PIGG: variants seen among roughly 807,000 people sequenced by gnomAD.
PIGG encodes phosphatidylinositol glycan anchor biosynthesis class G (EMM blood group).
In PIGG, 70 loss-of-function variants were observed where a neutral mutation model predicts 83.2. That is an observed-to-expected ratio of 0.84 (90% confidence interval 0.69 to 1.03). The LOEUF (loss-of-function observed/expected upper bound fraction) is 1.03, where lower values mean the gene tolerates loss of function less well. PIGG is among the 50% of genes least tolerant of loss of function. The pLI is 0.00. For synonymous variants in PIGG, 532 were observed against 519.5 expected (o/e 1.02, Z -0.33); for missense variants, 1,257 against 1,233.6 (o/e 1.02, Z -0.28).
intron 10 of PIGG, 85 bp downstream of exon 10, chr4:527,315 CTGTT>C (rs1278029433): frequency 9.0e-6 from 13 of 1,450,306 alleles, no homozygotes; most frequent in African/African-American, 8.6e-5. Context: ...AACCACTTCA[CTGTT>C]TGATGAACTG....
At chr4:534,024 T>G (rs1729751896) in intron 12 of PIGG, 43 bp downstream of exon 12, 1 of 1,589,128 alleles carries the variant, frequency 6.3e-7, no homozygotes, top group Non-Finnish European at 8.6e-7. Context: ...GGGGGCCGGC[T>G]GCCTGGTTTT....
chr4:539,322 T>C lies in PIGG; in HGVS notation c.2905T>C (p.Cys969Arg). The stretch of plus-strand genomic sequence containing the variant: ...GCACCTGCTCATTACAGCTGCTGTC[T>C]GTGTATTCTTCACGGCAATGGATCA... Reference protein sequence around the residue: ...GMHLLITAAVCVFFTAMDQTR... With the variant: ...GMHLLITAAVRVFFTAMDQTR... The change falls in exon 13 of 13, where the codon TGT (cysteine) becomes CGT (arginine). Residue 969 changes from cysteine to arginine, a missense_variant. By Grantham distance (180) the Cys-to-Arg change is radical. Transcript: ENST00000453061. 1.2e-6 allele frequency: 2 copies of C among 1,613,704 alleles called. 1 individual carries two copies. Among genetic ancestry groups the C allele is most frequent in the South Asian group, 2.2e-5 (2 of 91,034 alleles).
chr4:521,363 T>C (rs1725822925), intron 7 of PIGG, 90 bp downstream of exon 7: 2 of 815,876 alleles, frequency 2.5e-6, no homozygotes, highest in Non-Finnish European at 3.8e-6. Flanking sequence ...TATATAGGTG[T>C]TATTAAAAAT....
intron 5 of PIGG, among the ~76,000 whole-genome samples, chr4:509,860 C>T (rs1553882314): frequency 6.6e-6 from 1 of 152,208 alleles, no homozygotes; most frequent in East Asian, 1.9e-4. Context: ...CTCTAAGTGT[C>T]CCCATTCATC....
chr4:534,841 G>A lies in PIGG; in HGVS notation c.2735+860G>A, dbSNP rs557241757. On this transcript the variant is annotated intron_variant, in intron 12 of 12. Coordinates refer to ENST00000453061, the MANE Select transcript of PIGG (RefSeq NM_001127178.3). ...CCCATCCACACACCCGTTTCCTGGC[G>A]GTTTTGTGCAGAAGTTCCCCCCGGG... Among the ~76,000 whole-genome samples, 34 of 150,794 alleles carry A rather than the reference G, an allele frequency of 2.3e-4. 1 individual carries two copies. The highest frequency in any genetic ancestry group is 6.8e-4 in the African/African-American group (28 of 40,988).
intron 10 of PIGG, chr4:527,489 T>G: frequency 8.0e-7 from 1 of 1,246,400 alleles, no homozygotes; most frequent in East Asian, 3.5e-5. Flanking sequence ...CACTTGGAAG[T>G]AAGATTTTTT....
chr4:510,528 C>G (rs1721552566), intron 5 of PIGG, among the ~76,000 whole-genome samples: 1 of 152,174 alleles, frequency 6.6e-6, no homozygotes, highest in African/African-American at 2.4e-5. Flanking sequence ...AGTTTATGGC[C>G]AGATTTTGGG....
intron 11 of PIGG, chr4:531,568 C>T (rs1729071851): frequency 6.5e-6 from 1 of 152,770 alleles, no homozygotes; most frequent in Admixed American, 6.5e-5. Flanking sequence ...TCCTCTTCTC[C>T]TTTCCTGGTG....
chr4:535,350 C>T (rs994412621), intron 12 of PIGG, among the ~76,000 whole-genome samples: 124 of 117,046 alleles, frequency 1.1e-3, no homozygotes, highest in African/African-American at 4.4e-3. Context: ...CCGTGCTCCA[C>T]GCTTGTCCCT....
intron 10 of PIGG, among the ~76,000 whole-genome samples, 159 bp from the exon 11 acceptor site, chr4:530,277 A>C (rs1728707888): frequency 6.6e-6 from 1 of 152,102 alleles, no homozygotes; most frequent in Non-Finnish European, 1.5e-5. Flanking sequence ...CACTGCCATG[A>C]CAGGACCTGG....
chr4:510,382 G>A (rs1271120948), intron 5 of PIGG, among the ~76,000 whole-genome samples: 1 of 152,200 alleles, frequency 6.6e-6, no homozygotes, highest in Non-Finnish European at 1.5e-5. Context: ...GCCTTTAAGC[G>A]GTTTTCCACC....
chr4:534,831 G>A (rs902347507), intron 12 of PIGG, among the ~76,000 whole-genome samples: 6 of 151,502 alleles, frequency 4.0e-5, no homozygotes, highest in African/African-American at 9.7e-5. Context: ...CCACACACCC[G>A]TTTCCTGGCG....
rs1726672445 is a variant in PIGG, at chr4:523,567, C to T, written c.1723C>T (p.His575Tyr). The change falls in exon 9 of 13, where the codon CAC (histidine) becomes TAC (tyrosine). Residue 575 changes from histidine (H) to tyrosine (Y), a missense_variant. His to Tyr is a moderately conservative substitution (Grantham distance 83). Coordinates refer to ENST00000453061, the MANE Select transcript of PIGG (RefSeq NM_001127178.3). ...CGCCAGCAGCTTCGTGGAGGAGGAG[C>T]ACCAGACCTGGTACTTCCTTGTGAA... The part of the protein sequence containing the change: ...LGASSFVEEE[H>Y]QTWYFLVNTL... 1.2e-6 allele frequency: 2 copies of T among 1,613,814 alleles called. No individual in the cohort carries two copies. Among genetic ancestry groups the T allele is most frequent in the East Asian group, 2.2e-5 (1 of 44,870 alleles).
At position 521,172 on chromosome 4, in the gene PIGG, C is replaced by G. The variant is rs780498908; in HGVS notation, c.1231C>G (p.Gln411Glu). The G allele has an allele frequency of 1.9e-6, 3 of 1,613,732 alleles. No homozygotes were observed. The African/African-American group carries it at 4.0e-5, about 22-fold the overall frequency. ...LFNLGSKVLRQYLDALKTLSL... is the reference protein window; with the variant it reads ...LFNLGSKVLREYLDALKTLSL... ...CAACCTGGGCTCCAAGGTTCTCAGG[C>G]AGTACCTGGATGCTCTGAAGACGCT... The change falls in exon 7 of 13, where the codon CAG (glutamine) becomes GAG (glutamate). Residue 411 changes from glutamine (Q) to glutamate (E), a missense_variant. Physicochemically the swap from Gln to Glu is conservative, Grantham distance 29. Coordinates refer to ENST00000453061, the MANE Select transcript of PIGG (RefSeq NM_001127178.3).
chr4:508,757 A>G, intron 4 of PIGG, 72 bp from the exon 5 acceptor site: 1 of 1,450,046 alleles, frequency 6.9e-7, no homozygotes, highest in Non-Finnish European at 9.5e-7. Context: ...CTAAAACCGA[A>G]AATTGTCTTC....
At chr4:530,114 G>A (rs1161680650) in intron 10 of PIGG, among the ~76,000 whole-genome samples, 5 of 152,076 alleles carry the variant, frequency 3.3e-5, no homozygotes, top group Admixed American at 6.5e-5. Flanking sequence ...CAAAGCAGGC[G>A]GGCCACGAGG....
intron 5 of PIGG, among the ~76,000 whole-genome samples, chr4:512,947 G>GA (rs1416857119): frequency 6.6e-6 from 1 of 152,166 alleles, no homozygotes; most frequent in Non-Finnish European, 1.5e-5. Context: ...ATGAGAGGGA[G>GA]ATCGTATAAC....
At chr4:534,011 T>C (rs1729745194) in intron 12 of PIGG, 30 bp downstream of exon 12, 4 of 1,604,888 alleles carry the variant, frequency 2.5e-6, no homozygotes, top group Non-Finnish European at 3.4e-6. Context: ...TCAGCACAGT[T>C]CTGGGGGCCG....
rs749178545 is a variant in PIGG at position 521,874 on chromosome 4, C to T, written c.1547C>T (p.Ser516Leu). ...GCAGGTGGGGTGATGGTGCTGGCCTCGGCGCTGCTGTGTGTGATTGTGTCT... is the reference window on the plus strand; with the variant it reads ...GCAGGTGGGGTGATGGTGCTGGCCTTGGCGCTGCTGTGTGTGATTGTGTCT... ...LAAGGVMVLA[S>L]ALLCVIVSVL... Residue 516 changes from serine (S) to leucine (L), a missense_variant, in exon 8 of 13, where the codon TCG (serine) becomes TTG (leucine). Physicochemically the swap from Ser to Leu is moderately radical, Grantham distance 145. Transcript: ENST00000453061. The T allele has an allele frequency of 4.0e-5, 64 of 1,614,052 alleles. No homozygotes were observed. Among genetic ancestry groups the T allele is most frequent in the Middle Eastern group, 1.6e-4 (1 of 6,082 alleles).
Sources: allele counts gnomAD v4.1 joint callset (sites outside exome capture counted in the v4.1 genomes callset), GRCh38; gene constraint gnomAD v4.1.1; transcripts MANE v1.5; gene names NCBI Gene and HGNC (gene_info 2026-07-23, HGNC 2026-07-21).